ATL2: variants seen among roughly 807,000 people sequenced by gnomAD.
ATL2 encodes the protein atlastin GTPase 2, also known as atlastin-2.
In ATL2, 31 loss-of-function variants were observed where a neutral mutation model predicts 73.9. That is an observed-to-expected ratio of 0.42 (90% CI 0.32 to 0.57). ATL2 has a LOEUF of 0.57. Among genes scored for constraint, ATL2 ranks in the 20% least tolerant of loss-of-function variants. The probability of loss-of-function intolerance (pLI) is 0.14; values close to 1 mark genes in which losing one functional copy is unlikely to be tolerated. For synonymous variants in ATL2, 291 were observed against 237.5 expected (o/e 1.23, Z -2.07); for missense variants, 738 against 702.6 (o/e 1.05, Z -0.57).
chr2:38,295,778 C>A lies in ATL2; in HGVS notation c.*216G>T. On this transcript the variant is annotated 3_prime_UTR_variant, in exon 13 of 13. Transcript: ENST00000378954. ...CATGGCACAAAGGTGCATGATTAAC[C>A]AATGCTCCTCAGTCCATCTGCATGT... The A allele has an allele frequency of 2.5e-6, 1 of 405,264 alleles. No individual in the cohort carries two copies. The highest frequency in any genetic ancestry group is 4.4e-6 in the Non-Finnish European group (1 of 225,800). 25.1% of individuals were successfully genotyped at this position (405,264 alleles called of 1,614,324 possible).
intron 2 of ATL2, 57 bp from the exon 3 acceptor site, chr2:38,319,076 A>G (rs1368056190): frequency 1.3e-6 from 2 of 1,542,454 alleles, no homozygotes; most frequent in Non-Finnish European, 1.8e-6. Flanking sequence ...AAAAGAAACC[A>G]AAAAATCACC....
rs1667019734 is a variant in ATL2, at chr2:38,298,454, C to G, written c.1322G>C (p.Cys441Ser). 2 of 1,614,170 alleles carry G rather than the reference C, an allele frequency of 1.2e-6. No individual in the cohort carries two copies. The highest frequency in any genetic ancestry group is 8.5e-7 in the Non-Finnish European group (1 of 1,180,008). The change falls in exon 12 of 13, where the codon TGC (cysteine) becomes TCC (serine). Residue 441 changes from cysteine (C) to serine (S), a missense_variant. Physicochemically the swap from Cys to Ser is moderately radical, Grantham distance 112. Transcript: ENST00000378954. Reference sequence around the variant, plus strand: ...TTCAAGCTGGTCCTGATAACGACGGCAGAACTCATCTCCACCCATCTTTTT... The same window carrying G: ...TTCAAGCTGGTCCTGATAACGACGGGAGAACTCATCTCCACCCATCTTTTT... ...SVKKMGGDEF[C>S]RRYQDQLEAE...
chr2:38,350,730 C>T (rs1237104665), intron 1 of ATL2, among the ~76,000 whole-genome samples: 5 of 151,864 alleles, frequency 3.3e-5, no homozygotes, highest in Admixed American at 6.6e-5. Flanking sequence ...ACTACAATTT[C>T]GCTTCATATT....
chr2:38,355,271 C>T (rs1670591842), intron 1 of ATL2, among the ~76,000 whole-genome samples: 1 of 152,086 alleles, frequency 6.6e-6, no homozygotes, highest in Non-Finnish European at 1.5e-5. Context: ...AGATTACAGT[C>T]GCCCTCCACC....
intron 2 of ATL2, among the ~76,000 whole-genome samples, 188 bp from the exon 3 acceptor site, chr2:38,319,207 C>T (rs1668187800): frequency 6.6e-6 from 1 of 152,172 alleles, no homozygotes; most frequent in African/African-American, 2.4e-5. Flanking sequence ...CTTATAGAGA[C>T]GTGGTCTCCT....
intron 1 of ATL2, among the ~76,000 whole-genome samples, chr2:38,365,172 C>CAAAT (rs1299161144): frequency 1.5e-5 from 2 of 136,596 alleles, no homozygotes; most frequent in African/African-American, 7.2e-5. Context: ...CACAAATACA[C>CAAAT]ACACACACAC....
intron 2 of ATL2, among the ~76,000 whole-genome samples, chr2:38,332,115 A>C (rs1390510713): frequency 6.6e-6 from 1 of 152,216 alleles, no homozygotes; most frequent in Non-Finnish European, 1.5e-5. Flanking sequence ...AGAGACAGAA[A>C]ATAGATTAGC....
chr2:38,374,027 G>A (rs1671830216), intron 1 of ATL2, among the ~76,000 whole-genome samples: 2 of 152,106 alleles, frequency 1.3e-5, no homozygotes, highest in Admixed American at 1.3e-4. Flanking sequence ...AAATAGCTGG[G>A]ATTACAGCCA....
intron 9 of ATL2, 24 bp from the exon 10 acceptor site, chr2:38,300,352 G>A (rs762315189): frequency 6.4e-7 from 1 of 1,571,534 alleles, no homozygotes; most frequent in Non-Finnish European, 8.8e-7. Flanking sequence ...AGATTTGTTA[G>A]ACTGACGGAT....
intron 2 of ATL2, among the ~76,000 whole-genome samples, chr2:38,332,367 C>T (rs940545852): frequency 1.3e-5 from 2 of 152,078 alleles, no homozygotes; most frequent in African/African-American, 2.4e-5. Context: ...CCACCACGCT[C>T]GGCTAATTTT....
intron 2 of ATL2, among the ~76,000 whole-genome samples, chr2:38,333,771 G>A (rs1669138424): frequency 6.6e-6 from 1 of 152,176 alleles, no homozygotes; most frequent in Non-Finnish European, 1.5e-5. Context: ...GTTCAGGAAC[G>A]TAACCAAGAA....
chr2:38,299,235 A>G (rs768473147), intron 11 of ATL2, 21 bp downstream of exon 11: 1 of 1,494,946 alleles, frequency 6.7e-7, no homozygotes, highest in Admixed American at 2.6e-5. Context: ...CCAGCATCAA[A>G]TTTAAATTTT....
At chr2:38,312,580 G>A (rs1049721410) in intron 7 of ATL2, among the ~76,000 whole-genome samples, 9 of 152,084 alleles carry the variant, frequency 5.9e-5, no homozygotes, top group Admixed American at 3.3e-4. Flanking sequence ...GCGTGGTGGC[G>A]GGCGCCTGTA....
At position 38,377,165 on chromosome 2, in the gene ATL2, G is replaced by T. The variant is rs576157865; in HGVS notation, c.96C>A (p.His32Gln). ...TACCTAGGGAGGTCGTGGACGAGAC[G>T]TGGTTAACCGCGGCGCTTGGGTCGC... ...RTSDPSAAVN[H>Q]VSSTTSLGEN... Residue 32 changes from histidine to glutamine, a missense_variant, in exon 1 of 13, where the codon CAC (histidine) becomes CAA (glutamine). Transcript: ENST00000378954. 3.7e-6 allele frequency: 6 copies of T among 1,610,734 alleles called. No individual in the cohort carries two copies. The South Asian group carries it at 5.5e-5, about 15-fold the overall frequency.
At chr2:38,302,656 G>T (rs570083878) in intron 9 of ATL2, among the ~76,000 whole-genome samples, 5 of 152,266 alleles carry the variant, frequency 3.3e-5, no homozygotes, top group Non-Finnish European at 7.3e-5. Context: ...TAATGGAAGA[G>T]AACAAGAGTC....
chr2:38,319,503 G>A (rs1330323082), intron 2 of ATL2, among the ~76,000 whole-genome samples: 1 of 151,932 alleles, frequency 6.6e-6, no homozygotes, highest in South Asian at 2.1e-4. Flanking sequence ...GCAGGCTGAG[G>A]TAGGAGGATC....
intron 9 of ATL2, among the ~76,000 whole-genome samples, chr2:38,303,578 AAAAAAGAATG>A (rs1320863927): frequency 6.6e-6 from 1 of 152,178 alleles, no homozygotes; most frequent in Non-Finnish European, 1.5e-5. Context: ...GAGACAAAAG[AAAAAAGAATG>A]AAAAAGAATG....
At chr2:38,377,449 C>A (rs978872273), upstream of ATL2, among the ~76,000 whole-genome samples, 1 of 151,084 alleles carries the variant, frequency 6.6e-6, no homozygotes, top group Non-Finnish European at 1.5e-5. Context: ...CCGCCCCGCC[C>A]ATCGCTCGCT....
rs1382763464 is a variant in ATL2 at position 38,294,980 on chromosome 2, C to G, written c.*1014G>C. 1 of 128,800 alleles carries G rather than the reference C, an allele frequency of 7.8e-6. No homozygotes were observed. Among genetic ancestry groups the G allele is most frequent in the Non-Finnish European group, 1.6e-5 (1 of 63,800 alleles). 8.0% of individuals were successfully genotyped at this position (128,800 alleles called of 1,614,324 possible). Reference sequence around the variant, plus strand: ...AGAGGACAAAGTCACAATAAACATTCCCATTGAATTCCCTTGGTGGGCGGG... The same window carrying G: ...AGAGGACAAAGTCACAATAAACATTGCCATTGAATTCCCTTGGTGGGCGGG... On this transcript the variant is annotated 3_prime_UTR_variant, in exon 13 of 13. Coordinates refer to ENST00000378954, the MANE Select transcript of ATL2 (RefSeq NM_001135673.4).
Sources: allele counts gnomAD v4.1 joint callset (sites outside exome capture counted in the v4.1 genomes callset), GRCh38; gene constraint gnomAD v4.1.1; transcripts MANE v1.5; gene names NCBI Gene and HGNC (gene_info 2026-07-23, HGNC 2026-07-21).